The following MICAL3 variants were observed in gnomAD, a reference collection of about 807,000 sequenced individuals.
MICAL3 encodes microtubule associated monooxygenase, calponin and LIM domain containing 3.
A neutral mutation model predicts 207.4 loss-of-function variants in MICAL3; 62 were observed. The ratio of observed to expected loss-of-function variants is 0.30; its 90% confidence interval spans 0.24 to 0.37. The LOEUF is 0.37. MICAL3 is among the 10% of genes least tolerant of loss of function. The probability of loss-of-function intolerance (pLI) is 1.00; values close to 1 mark genes in which losing one functional copy is unlikely to be tolerated. For missense variants in MICAL3, 2,368 were observed against 2,635.6 expected (o/e 0.90, Z 2.22); for synonymous variants, 1,077 against 1,069.3 (o/e 1.01, Z -0.14).
chr22:17,884,290 G>C (rs780461894), intron 16 of MICAL3: 1 of 1,590,114 alleles, frequency 6.3e-7, no homozygotes, highest in Non-Finnish European at 8.5e-7. Context: ...TCCACCGGGG[G>C]GTGGGGGCAG....
intron 18 of MICAL3, among the ~76,000 whole-genome samples, chr22:17,865,619 G>T (rs182145205): frequency 2.9e-4 from 44 of 152,354 alleles, no homozygotes; most frequent in Admixed American, 3.3e-4. Context: ...CAGTGGCAGG[G>T]TGTCCTCTCA....
intron 7 of MICAL3, among the ~76,000 whole-genome samples, chr22:17,897,557 C>T (rs1930960300): frequency 6.6e-6 from 1 of 151,994 alleles, no homozygotes; most frequent in African/African-American, 2.4e-5. Context: ...TGATCTTATC[C>T]AATCTGCCTC....
At chr22:17,907,161 A>T (rs1047000001) in intron 1 of MICAL3, among the ~76,000 whole-genome samples, 3 of 152,094 alleles carry the variant, frequency 2.0e-5, no homozygotes, top group African/African-American at 7.2e-5. Flanking sequence ...CTAGAGAGGG[A>T]GACACAAGGC....
intron 1 of MICAL3, among the ~76,000 whole-genome samples, chr22:17,937,051 G>A (rs1156476926): frequency 1.3e-5 from 2 of 152,176 alleles, no homozygotes; most frequent in South Asian, 2.1e-4. Context: ...CTTACAACTC[G>A]TAGTTCCATG....
At chr22:17,958,855 C>T (rs1027789556) in intron 1 of MICAL3, among the ~76,000 whole-genome samples, 1 of 151,760 alleles carries the variant, frequency 6.6e-6, no homozygotes, top group Non-Finnish European at 1.5e-5. Context: ...AGGCGTCCGC[C>T]ACCACACCCA....
intron 19 of MICAL3, 194 bp downstream of exon 19, chr22:17,864,705 C>T (rs1381758794): frequency 6.2e-7 from 1 of 1,612,744 alleles, no homozygotes; most frequent in Non-Finnish European, 8.5e-7. Context: ...GCACCAGCAC[C>T]TCCGACAGGC....
At chr22:17,993,716 C>T (rs1034572894) in intron 1 of MICAL3, among the ~76,000 whole-genome samples, 4 of 152,046 alleles carry the variant, frequency 2.6e-5, no homozygotes, top group African/African-American at 9.7e-5. Context: ...GAGAAGCAGG[C>T]CAGGAATATT....
chr22:17,835,906 G>C (rs1205974383), intron 20 of MICAL3, among the ~76,000 whole-genome samples: 4 of 152,240 alleles, frequency 2.6e-5, no homozygotes, highest in Non-Finnish European at 5.9e-5. Context: ...AATGTGCCAG[G>C]GGCTGCGGTG....
intron 25 of MICAL3, among the ~76,000 whole-genome samples, chr22:17,820,884 TTA>T (rs1921527000): frequency 7.2e-6 from 1 of 138,496 alleles, no homozygotes; most frequent in Non-Finnish European, 1.6e-5. Flanking sequence ...AAATTTATAT[TTA>T]TAAACATAAA....
rs200328549 is a variant in MICAL3, at chr22:17,827,700, C to G, written c.3137G>C (p.Arg1046Pro). ...IQADVHWTHI[R>P]EREEEERMAP... Reference sequence around the variant, plus strand: ...CATCCTCTCTTCCTCCTCTCTCTCACGGATATGAGTCCAGTGCACGTCAGC... The same window carrying G: ...CATCCTCTCTTCCTCCTCTCTCTCAGGGATATGAGTCCAGTGCACGTCAGC... Residue 1046 changes from arginine to proline, a missense_variant, in exon 22 of 32, where the codon CGT becomes CCT. By Grantham distance (103) the Arg-to-Pro change is moderately radical. Transcript: ENST00000441493. The G allele has an allele frequency of 1.9e-6, 3 of 1,582,020 alleles. No homozygotes were observed. In the Admixed American group the frequency reaches 5.4e-5, roughly 28 times the overall value.
intron 29 of MICAL3, among the ~76,000 whole-genome samples, chr22:17,798,934 A>G (rs544327666): frequency 1.1e-3 from 163 of 152,086 alleles, no homozygotes; most frequent in African/African-American, 3.8e-3. Context: ...CGGCCTCCCA[A>G]AGTGCTGGGA....
chr22:17,858,783 C>T (rs1187212604), intron 19 of MICAL3, among the ~76,000 whole-genome samples: 3 of 152,242 alleles, frequency 2.0e-5, no homozygotes, highest in East Asian at 1.9e-4. Flanking sequence ...CACAGAATCA[C>T]GTTGGGTGTC....
At chr22:17,845,121 CAA>C (rs1220727431) in intron 19 of MICAL3, among the ~76,000 whole-genome samples, 2 of 152,172 alleles carry the variant, frequency 1.3e-5, no homozygotes. Context: ...TAAAGTCAAG[CAA>C]CTACCCAAGA....
chr22:17,882,196 G>C (rs578231719), intron 16 of MICAL3, among the ~76,000 whole-genome samples: 3 of 152,342 alleles, frequency 2.0e-5, no homozygotes, highest in African/African-American at 7.2e-5. Flanking sequence ...AAAGGCAAAA[G>C]GGTGGGGAAG....
In MICAL3 at chr22:17,942,840, T is replaced by C. The variant is rs568402492; in HGVS notation, c.-74-35954A>G. ...TGCCCTAAGAGACTTGGGCCAGGCCTGCTCTGCCGAATTCCCAGCTGCACG... is the reference window on the plus strand; with the variant it reads ...TGCCCTAAGAGACTTGGGCCAGGCCCGCTCTGCCGAATTCCCAGCTGCACG... On this transcript the variant is annotated intron_variant, in intron 1 of 31. Transcript: ENST00000441493. Among the ~76,000 whole-genome samples the C allele has an allele frequency of 4.6e-5, 7 of 152,332 alleles. No individual in the cohort carries two copies. The South Asian group carries it at 1.5e-3, about 32-fold the overall frequency.
In MICAL3 at chr22:17,922,271, A is replaced by C. The variant is rs1932818674; in HGVS notation, c.-74-15385T>G. Among the ~76,000 whole-genome samples, 3 of 152,216 alleles carry C rather than the reference A, an allele frequency of 2.0e-5. No homozygotes were observed. The South Asian group carries it at 6.2e-4, about 32-fold the overall frequency. ...TCACGTTCATGTTTGCACGTAGTAC[A>C]GATGCGGGCAGATGCCAAGAAAGAA... On this transcript the variant is annotated intron_variant, in intron 1 of 31. Transcript: ENST00000441493.
At chr22:17,999,672 G>A (rs1922712906) in intron 1 of MICAL3, among the ~76,000 whole-genome samples, 1 of 152,160 alleles carries the variant, frequency 6.6e-6, no homozygotes, top group Non-Finnish European at 1.5e-5. Flanking sequence ...TTTGGGGGGA[G>A]GAATTACAAT....
intron 29 of MICAL3, among the ~76,000 whole-genome samples, chr22:17,800,605 G>C (rs774776161): frequency 1.3e-5 from 2 of 152,158 alleles, no homozygotes; most frequent in Non-Finnish European, 2.9e-5. Flanking sequence ...GACACACAGA[G>C]CACAGGGCAG....
intron 1 of MICAL3, among the ~76,000 whole-genome samples, chr22:18,017,235 C>T (rs1192384350): frequency 1.0e-4 from 15 of 147,252 alleles, no homozygotes; most frequent in African/African-American, 2.7e-4. Context: ...TTTTTTGAGA[C>T]GGAGTCTCGC....
Sources: gnomAD v4.1 joint callset for allele counts (sites outside exome capture counted in the v4.1 genomes callset) on GRCh38, gnomAD v4.1.1 for gene constraint, MANE v1.5 for transcripts, NCBI Gene and HGNC (gene_info 2026-07-23, HGNC 2026-07-21) for gene names.